The following PREX1 variants were observed in gnomAD, a reference collection of about 807,000 sequenced individuals.
The protein encoded by PREX1 is phosphatidylinositol 3,4,5-trisphosphate-dependent Rac exchanger 1 protein.
A neutral mutation model predicts 198.3 loss-of-function variants in PREX1; 41 were observed. That is an observed-to-expected ratio of 0.21 (90% CI 0.16 to 0.27). PREX1 has a LOEUF of 0.27. PREX1 is among the 10% of genes least tolerant of loss of function. The probability of loss-of-function intolerance (pLI) is 1.00; values close to 1 mark genes in which losing one functional copy is unlikely to be tolerated. For synonymous variants in PREX1, 843 were observed against 887.2 expected, an observed-to-expected ratio of 0.95 and a Z score of 0.89; for missense variants, 1,620 against 2,200.7, an observed-to-expected ratio of 0.74 and a Z score of 5.28.
At chr20:48,702,187 G>A (rs1200060796) in intron 6 of PREX1, among the ~76,000 whole-genome samples, 4 of 145,914 alleles carry the variant, frequency 2.7e-5, no homozygotes, top group Admixed American at 7.0e-5. Flanking sequence ...CAGCCTGGGC[G>A]ACTGAGCAGG....
At chr20:48,844,268 C>T in the PREX1 span, among the ~76,000 whole-genome samples, 4 of 152,138 alleles carry the variant, frequency 2.6e-5, no homozygotes, top group South Asian at 8.3e-4. Flanking sequence ...ACCCTGTACC[C>T]CCCATTCCCT....
intron 25 of PREX1, 137 bp from the exon 26 acceptor site, chr20:48,646,194 G>T: frequency 1.2e-6 from 1 of 819,256 alleles, no homozygotes; most frequent in Non-Finnish European, 1.9e-6. Context: ...TTCTTTCACG[G>T]CCAAGCTACA....
In PREX1 at chr20:48,630,779, C is replaced by T; in HGVS notation, c.4542G>A (p.Glu1514=). 1 of 1,589,622 alleles carries T rather than the reference C, an allele frequency of 6.3e-7. No homozygotes were observed. The highest frequency in any genetic ancestry group is 8.6e-7 in the Non-Finnish European group (1 of 1,157,924). Residue 1514 remains glutamate (E), a synonymous_variant, in exon 36 of 40, where the codon GAG becomes GAA. Coordinates refer to ENST00000371941, the MANE Select transcript of PREX1 (RefSeq NM_020820.4). The part of the protein sequence containing the change: ...YYRKLRAFYL[E]RSNLPTDAST... ...TGGCATCCGTGGGCAGGTTAGACCG[C>T]TCCAGGTAAAATGCCCTGCGAGAGA... is the stretch of plus-strand genomic sequence containing the variant.
chr20:48,698,522 C>G (rs1319671728), intron 7 of PREX1, among the ~76,000 whole-genome samples: 1 of 151,982 alleles, frequency 6.6e-6, no homozygotes, highest in Non-Finnish European at 1.5e-5. Context: ...AGAAAGGAGG[C>G]AGGGAAAGAG....
chr20:48,773,380 G>T (rs1009644157), intron 1 of PREX1, among the ~76,000 whole-genome samples: 6 of 151,946 alleles, frequency 3.9e-5, no homozygotes, highest in Non-Finnish European at 1.5e-5. Flanking sequence ...GGCACCTCTG[G>T]CCTCCAAGTG....
chr20:48,794,391 G>A (rs1227194704), intron 1 of PREX1, among the ~76,000 whole-genome samples: 1 of 152,230 alleles, frequency 6.6e-6, no homozygotes, highest in African/African-American at 2.4e-5. Flanking sequence ...GCAAAGCTGG[G>A]AAGACAGAGC....
At chr20:48,728,611 A>G (rs2090019980) in intron 4 of PREX1, among the ~76,000 whole-genome samples, 1 of 152,192 alleles carries the variant, frequency 6.6e-6, no homozygotes, top group African/African-American at 2.4e-5. Flanking sequence ...TTGTCCTAGG[A>G]GCCAGCACTT....
chr20:48,760,694 G>A (rs2090175517), intron 1 of PREX1, among the ~76,000 whole-genome samples: 1 of 152,126 alleles, frequency 6.6e-6, no homozygotes, highest in Non-Finnish European at 1.5e-5. Context: ...TGATATTCTA[G>A]GGGGACAAGT....
At chr20:48,632,759 G>T (rs1871017907) in intron 33 of PREX1, 120 bp from the exon 34 acceptor site, 1 of 1,101,118 alleles carries the variant, frequency 9.1e-7, no homozygotes, top group African/African-American at 1.6e-5. Flanking sequence ...GGCACCCTGG[G>T]ACCTCCCTGT....
chr20:48,651,540 C>G lies in PREX1; in HGVS notation c.2511G>C (p.Glu837Asp). The change falls in exon 22 of 40, where the codon GAG (glutamate) becomes GAC (aspartate). Residue 837 changes from glutamate (E) to aspartate (D), a missense_variant. Physicochemically the swap from Glu to Asp is conservative, Grantham distance 45. Around this residue, in one of 7 missense-constraint regions of PREX1, gnomAD observed 514 missense variants for 611.6 expected, o/e 0.84. Transcript: ENST00000371941. ...LSLGPRLSLC[E>D]DSPMVTLTVD... ...CAGTCAGGGTGACCATGGGGCTGTC[C>G]TCACACAGGCTCAGCCGGGGACCCA... The G allele has an allele frequency of 1.2e-6, 2 of 1,614,158 alleles. No individual in the cohort carries two copies. Among genetic ancestry groups the G allele is most frequent in the Non-Finnish European group, 8.5e-7 (1 of 1,180,006 alleles).
At position 48,827,689 on chromosome 20, in the gene PREX1, A is replaced by G; in HGVS notation, c.172T>C (p.Leu58=). The change falls in exon 1 of 40, where the codon TTG becomes CTG. Residue 58 remains leucine, a synonymous_variant. Coordinates refer to ENST00000371941, the MANE Select transcript of PREX1 (RefSeq NM_020820.4). The surrounding 1 kb of genome is among the most constrained non-coding windows in gnomAD (Gnocchi z 4.1). ...RLRLCVLNEI[L]GTERDYVGTL... is the part of the protein sequence containing the mutation. ...CCCACGTAGTCCCTCTCGGTGCCCA[A>G]GATCTCGTTGAGGACGCAGAGGCGG... 2.9e-6 allele frequency: 4 copies of G among 1,384,590 alleles called. No individual in the cohort carries two copies. The highest frequency in any genetic ancestry group is 2.8e-6 in the Non-Finnish European group (3 of 1,055,622). 85.8% of individuals were successfully genotyped at this position (1,384,590 alleles called of 1,614,324 possible). A position where few individuals can be genotyped will look rare whatever the true frequency, so the allele number is the denominator to read the frequency against.
At chr20:48,832,205 G>A (rs895253071), upstream of PREX1, among the ~76,000 whole-genome samples, 7 of 152,034 alleles carry the variant, frequency 4.6e-5, no homozygotes, top group African/African-American at 1.4e-4. Context: ...TAGAGTTTCC[G>A]TTGCCATGTA....
intron 5 of PREX1, among the ~76,000 whole-genome samples, chr20:48,715,291 A>C (rs1027313801): frequency 2.6e-5 from 4 of 152,164 alleles, no homozygotes; most frequent in African/African-American, 9.7e-5. Flanking sequence ...CCACTGTTTG[A>C]ATGAATTAAT....
intron 1 of PREX1, among the ~76,000 whole-genome samples, chr20:48,764,962 C>G (rs991188903): frequency 6.6e-6 from 1 of 151,992 alleles, no homozygotes; most frequent in Non-Finnish European, 1.5e-5. Flanking sequence ...CTCCCCAGAC[C>G]CCCCAGGAGC....
At chr20:48,647,332 C>T (rs2089459073) in intron 25 of PREX1, among the ~76,000 whole-genome samples, 1 of 151,722 alleles carries the variant, frequency 6.6e-6, no homozygotes, top group Admixed American at 6.6e-5. Flanking sequence ...ACCATCCTGG[C>T]CAACATGGTG....
rs1264998313 is a variant in PREX1 at position 48,632,512 on chromosome 20, T to G, written c.4395A>C (p.Thr1465=). The stretch of plus-strand genomic sequence containing the variant: ...GAAGCTCACCTTTCGTGAACAGCGC[T>G]GTGTGCAGCCTCAGGCTGGCCCCAC... The part of the protein sequence containing the change: ...LEGGASLRLH[T]ALFTKVLENV... Residue 1465 remains threonine, a synonymous_variant, in exon 34 of 40, where the codon ACA becomes ACC. Transcript: ENST00000371941. 6.2e-7 allele frequency: 1 copy of G among 1,614,084 alleles called. No homozygotes were observed. The highest frequency in any genetic ancestry group is 1.7e-5 in the Admixed American group (1 of 60,024).
At chr20:48,755,338 G>GT (rs985231567) in intron 1 of PREX1, among the ~76,000 whole-genome samples, 6 of 152,186 alleles carry the variant, frequency 3.9e-5, no homozygotes, top group African/African-American at 1.4e-4. Flanking sequence ...ATTACTAGCT[G>GT]TCCCCCAATA....
intron 3 of PREX1, among the ~76,000 whole-genome samples, chr20:48,738,784 T>C (rs1186940697): frequency 6.6e-6 from 1 of 151,988 alleles, no homozygotes; most frequent in African/African-American, 2.4e-5. Context: ...CTGTCCACAA[T>C]ACCCAGGTGA....
intron 3 of PREX1, among the ~76,000 whole-genome samples, chr20:48,741,628 A>G (rs997030043): frequency 2.0e-5 from 3 of 152,222 alleles, no homozygotes; most frequent in Non-Finnish European, 4.4e-5. Context: ...ATAAGCAAAA[A>G]GGGGCAAAAG....
Sources: allele counts gnomAD v4.1 joint callset (sites outside exome capture counted in the v4.1 genomes callset), GRCh38; gene constraint gnomAD v4.1.1; regional missense constraint gnomAD v4.1.1; non-coding constraint Gnocchi (gnomAD v3.1); transcripts MANE v1.5; gene names NCBI Gene and HGNC (gene_info 2026-07-23, HGNC 2026-07-21).